The following DNM3 variants were observed in gnomAD, a reference collection of about 807,000 sequenced individuals.
DNM3 encodes the protein dynamin-3.
A neutral mutation model predicts 101.6 loss-of-function variants in DNM3; 47 were observed. That is an observed-to-expected ratio of 0.46 (90% CI 0.37 to 0.59). DNM3 has a LOEUF of 0.59. Among genes scored for constraint, DNM3 ranks in the 20% least tolerant of loss-of-function variants. The pLI is 0.00. For synonymous variants in DNM3, 385 were observed against 387.9 expected (o/e 0.99, Z 0.09); for missense variants, 849 against 1,085.7 (o/e 0.78, Z 3.06).
intron 11 of DNM3, among the ~76,000 whole-genome samples, chr1:172,078,149 G>A (rs2052822941): frequency 6.6e-6 from 1 of 152,130 alleles, no homozygotes; most frequent in Non-Finnish European, 1.5e-5. Flanking sequence ...CTGCAGTGCA[G>A]TGGCGCAATC....
chr1:172,008,653 A>T, intron 4 of DNM3, among the ~76,000 whole-genome samples: 1 of 148,390 alleles, frequency 6.7e-6, no homozygotes, highest in South Asian at 2.1e-4. Context: ...ATATGTAATT[A>T]CTCCAGTACC....
chr1:172,184,720 C>T (rs529076095), intron 14 of DNM3, among the ~76,000 whole-genome samples: 6 of 152,162 alleles, frequency 3.9e-5, no homozygotes, highest in Non-Finnish European at 5.9e-5. Flanking sequence ...TTATTAAGTA[C>T]GGAATCTGAC....
chr1:172,055,254 T>G (rs961091495), intron 10 of DNM3, among the ~76,000 whole-genome samples: 2 of 152,126 alleles, frequency 1.3e-5, no homozygotes, highest in Non-Finnish European at 2.9e-5. Context: ...AACATGTCTG[T>G]AGAGCCTTTG....
chr1:172,073,526 C>T (rs2052390207), intron 11 of DNM3, among the ~76,000 whole-genome samples: 1 of 152,078 alleles, frequency 6.6e-6, no homozygotes, highest in African/African-American at 2.4e-5. Context: ...ATAGTACAAT[C>T]CAACCTGGTC....
rs1354880515 is a variant in DNM3 at position 172,050,453 on chromosome 1, A to T, written c.1335+1703A>T. Among the ~76,000 whole-genome samples, 4 of 131,750 alleles carry T rather than the reference A, an allele frequency of 3.0e-5. No individual in the cohort carries two copies. The East Asian group carries it at 7.9e-4, about 26-fold the overall frequency. The allele number at this position is 131,750 out of a possible 152,430, so 86.4% of individuals were successfully genotyped here. On this transcript the variant is annotated intron_variant, in intron 10 of 20. Coordinates refer to ENST00000627582, the MANE Select transcript of DNM3 (RefSeq NM_015569.5). ...CATTTAGCCAGTTGCACTTATTTTA[A>T]TAATATACTTTAAATAAAGAGAGTA...
chr1:172,195,485 A>T (rs574773909), intron 14 of DNM3, among the ~76,000 whole-genome samples: 8 of 151,866 alleles, frequency 5.3e-5, no homozygotes, highest in Admixed American at 2.6e-4. Context: ...GAGAGGGGAC[A>T]TCCTTGCCCT....
At chr1:172,175,359 T>C (rs889738891) in intron 14 of DNM3, among the ~76,000 whole-genome samples, 1 of 151,796 alleles carries the variant, frequency 6.6e-6, no homozygotes, top group Non-Finnish European at 1.5e-5. Flanking sequence ...AGCAGGGAAA[T>C]CATATATTTC....
intron 13 of DNM3, among the ~76,000 whole-genome samples, chr1:172,115,607 G>A (rs1438760464): frequency 6.6e-6 from 1 of 152,110 alleles, no homozygotes; most frequent in Non-Finnish European, 1.5e-5. Context: ...CTGGGATCAG[G>A]CAATTGGCTT....
intron 13 of DNM3, among the ~76,000 whole-genome samples, chr1:172,120,211 A>T (rs2056220951): frequency 1.3e-5 from 2 of 152,196 alleles, no homozygotes; most frequent in South Asian, 4.1e-4. Context: ...TCATGATAGA[A>T]GGCAAATGAG....
chr1:172,180,824 A>T (rs1344641093), intron 14 of DNM3, among the ~76,000 whole-genome samples: 4 of 152,122 alleles, frequency 2.6e-5, no homozygotes, highest in Non-Finnish European at 5.9e-5. Context: ...AATTTGCCCT[A>T]CCTATTACCT....
chr1:172,136,468 C>T (rs778539118), intron 14 of DNM3: 1 of 152,098 alleles, frequency 6.6e-6, no homozygotes, highest in African/African-American at 2.4e-5. Context: ...CACACTCCTT[C>T]GTTAAGTTAT....
intron 13 of DNM3, among the ~76,000 whole-genome samples, chr1:172,116,488 C>CA (rs1393827321): frequency 1.1e-4 from 16 of 152,284 alleles, no homozygotes; most frequent in African/African-American, 3.9e-4. Flanking sequence ...GCCAGTCCAG[C>CA]ATGGAGTGGA....
At chr1:172,186,876 G>A (rs2059546044) in intron 14 of DNM3, among the ~76,000 whole-genome samples, 1 of 152,106 alleles carries the variant, frequency 6.6e-6, no homozygotes, top group Non-Finnish European at 1.5e-5. Context: ...CCATCTTGAA[G>A]ATTGTTCATG....
Position 172,042,025 on chromosome 1 carries a change from G to T in DNM3, c.1009G>T (p.Ala337Ser). ...KALLQMVQQF[A>S]VDFEKRIEGS... is the part of the protein sequence containing the mutation. ...CAATTACAGGATGGTTCAGCAATTT[G>T]CTGTGGACTTTGAGAAGAGAATTGA... The change falls in exon 8 of 21, where the codon GCT becomes TCT. Residue 337 changes from alanine (A) to serine (S), a missense_variant. Physicochemically the swap from Ala to Ser is moderately conservative, Grantham distance 99. Coordinates refer to ENST00000627582, the MANE Select transcript of DNM3 (RefSeq NM_015569.5). 1.3e-6 allele frequency: 2 copies of T among 1,597,452 alleles called. No individual in the cohort carries two copies. Among genetic ancestry groups the T allele is most frequent in the South Asian group, 1.1e-5 (1 of 87,064 alleles).
intron 2 of DNM3, among the ~76,000 whole-genome samples, chr1:171,971,954 A>T (rs1218583584): frequency 6.6e-6 from 1 of 152,178 alleles, no homozygotes; most frequent in African/African-American, 2.4e-5. Context: ...ATTTTGCTCT[A>T]GAGTGTTGGT....
At chr1:172,237,188 T>A (rs377575391) in intron 14 of DNM3, among the ~76,000 whole-genome samples, 1 of 152,182 alleles carries the variant, frequency 6.6e-6, no homozygotes, top group Non-Finnish European at 1.5e-5. Flanking sequence ...ATAGTACTTC[T>A]TCCCCCTGAA....
At chr1:172,183,759 C>A (rs2059424684) in intron 14 of DNM3, among the ~76,000 whole-genome samples, 1 of 143,716 alleles carries the variant, frequency 7.0e-6, no homozygotes, top group African/African-American at 2.6e-5. Flanking sequence ...CACCACCATG[C>A]CCAGCTAATT....
intron 1 of DNM3, among the ~76,000 whole-genome samples, chr1:171,899,481 G>A (rs572639617): frequency 6.6e-6 from 1 of 152,298 alleles, no homozygotes; most frequent in South Asian, 2.1e-4. Flanking sequence ...AGATTTCCTT[G>A]CCTACTTTGC....
At chr1:171,933,121 G>A (rs2041158202) in intron 2 of DNM3, among the ~76,000 whole-genome samples, 3 of 152,048 alleles carry the variant, frequency 2.0e-5, no homozygotes, top group African/African-American at 7.2e-5. Context: ...CCTCAAAATG[G>A]GGTTTTTGCA....
Sources: gnomAD v4.1 joint callset for allele counts (sites outside exome capture counted in the v4.1 genomes callset) on GRCh38, gnomAD v4.1.1 for gene constraint, MANE v1.5 for transcripts, NCBI Gene and HGNC (gene_info 2026-07-23, HGNC 2026-07-21) for gene names.